PRKN: variants seen among roughly 807,000 people sequenced by gnomAD.
PRKN encodes E3 ubiquitin-protein ligase parkin.
Under a neutral mutation model 59.5 loss-of-function variants are expected in PRKN, and 56 were observed. That is an observed-to-expected ratio of 0.94 (90% CI 0.76 to 1.18). PRKN has a LOEUF of 1.18. PRKN is among the 50% of genes most tolerant of loss of function. The probability of loss-of-function intolerance (pLI) is 0.00; values close to 1 mark genes in which losing one functional copy is unlikely to be tolerated. For missense variants in PRKN, 657 were observed against 596.4 expected (o/e 1.10, Z -1.06); for synonymous variants, 250 against 222.1 (o/e 1.13, Z -1.12).
At chr6:162,217,222 TC>T (rs1330567288) in intron 3 of PRKN, among the ~76,000 whole-genome samples, 2 of 152,156 alleles carry the variant, frequency 1.3e-5, no homozygotes, top group Admixed American at 1.3e-4. Context: ...CCCCTCAGTC[TC>T]TCTCCTGATA....
At position 161,525,829 on chromosome 6, in the gene PRKN, C is replaced by T. The variant is rs1001976957; in HGVS notation, c.1083+23025G>A. On this transcript the variant is annotated intron_variant, in intron 9 of 11. Transcript: ENST00000366898. The surrounding 1 kb of genome is among the most constrained non-coding windows in gnomAD (Gnocchi z 4.7). ...TACTACTTGGCTATAGAATAGCCTA[C>T]AGATATAATAAAAAATAATTATTTA... Among the ~76,000 whole-genome samples, 13 of 152,024 alleles carry T rather than the reference C, an allele frequency of 8.6e-5. No homozygotes were observed. The highest frequency in any genetic ancestry group is 3.1e-4 in the African/African-American group (13 of 41,384).
intron 2 of PRKN, among the ~76,000 whole-genome samples, chr6:162,321,363 T>C (rs1158495387): frequency 6.6e-6 from 1 of 151,928 alleles, no homozygotes; most frequent in Non-Finnish European, 1.5e-5. Context: ...CTTATGTCTA[T>C]TGAAGAAACT....
At chr6:161,553,557 C>A (rs1448205074) in intron 8 of PRKN, among the ~76,000 whole-genome samples, 1 of 152,100 alleles carries the variant, frequency 6.6e-6, no homozygotes, top group Non-Finnish European at 1.5e-5. Flanking sequence ...GCTTAGCAGT[C>A]ATTAATATTC....
rs542840457 is a variant in PRKN at position 161,681,893 on chromosome 6, G to A, written c.871+103879C>T. On this transcript the variant is annotated intron_variant, in intron 7 of 11. Coordinates refer to ENST00000366898, the MANE Select transcript of PRKN (RefSeq NM_004562.3). ...ATAGAGCCCTTTGTACCTGTGCAGA[G>A]GACGTCTGCAATGCCAAGAGCAAAG... Among the ~76,000 whole-genome samples, 4 of 152,378 alleles carry A rather than the reference G, an allele frequency of 2.6e-5. No homozygotes were observed. The South Asian group carries it at 8.3e-4, about 32-fold the overall frequency.
intron 2 of PRKN, among the ~76,000 whole-genome samples, chr6:162,264,119 C>T (rs1583286329): frequency 6.6e-6 from 1 of 151,096 alleles, no homozygotes; most frequent in African/African-American, 2.4e-5. Context: ...ACTAAAAATA[C>T]AAAAAAAATT....
rs569752388 is a variant in PRKN at position 162,087,007 on chromosome 6, T to C, written c.535-32833A>G. 9.1e-4 allele frequency among the ~76,000 whole-genome samples: 138 copies of C among 152,260 alleles called. No individual in the cohort carries two copies. In the South Asian group the frequency reaches 0.027, roughly 29 times the overall value. ...GGAAATATGAACTTTAGAAAGCAAA[T>C]AATATGCCACAGAGGTTCCCAATTG... is the stretch of plus-strand genomic sequence containing the variant. On this transcript the variant is annotated intron_variant, in intron 4 of 11. Transcript: ENST00000366898.
chr6:162,640,354 C>T lies in PRKN; in HGVS notation c.7+87308G>A, dbSNP rs117137773. On this transcript the variant is annotated intron_variant, in intron 1 of 11. Transcript: ENST00000366898. The stretch of plus-strand genomic sequence containing the variant: ...AGAGCAAGATTCTTATTGAATCTTA[C>T]CCAAATAACTATATTGCCAAGTCAA... 1.5e-4 allele frequency among the ~76,000 whole-genome samples: 23 copies of T among 152,230 alleles called. No individual in the cohort carries two copies. The East Asian group carries it at 4.4e-3, about 29-fold the overall frequency.
chr6:162,561,848 A>AGGC (rs1286401294), intron 1 of PRKN, among the ~76,000 whole-genome samples: 1 of 152,098 alleles, frequency 6.6e-6, no homozygotes, highest in African/African-American at 2.4e-5. Flanking sequence ...TCAATGTGAA[A>AGGC]GGCAGTCTAG....
intron 9 of PRKN, among the ~76,000 whole-genome samples, chr6:161,477,390 GCCTA>G (rs1791148048): frequency 4.0e-5 from 6 of 151,800 alleles, no homozygotes. Context: ...GGTGGCACAT[GCCTA>G]TAATCCCAGC....
intron 1 of PRKN, among the ~76,000 whole-genome samples, chr6:162,600,932 T>G (rs1249680502): frequency 6.6e-6 from 1 of 152,134 alleles, no homozygotes; most frequent in Non-Finnish European, 1.5e-5. Context: ...AATTACCCAG[T>G]ATCAGACATT....
At chr6:162,086,815 G>GT (rs1177271266) in intron 4 of PRKN, among the ~76,000 whole-genome samples, 2 of 152,182 alleles carry the variant, frequency 1.3e-5, no homozygotes, top group Non-Finnish European at 2.9e-5. Context: ...TGGTTAGAAT[G>GT]TAAGTTCCTT....
chr6:162,210,132 T>TAAAATAAAATAAAATAAAATAAAATA (rs1282133436), intron 3 of PRKN, among the ~76,000 whole-genome samples: 1 of 151,940 alleles, frequency 6.6e-6, no homozygotes, highest in East Asian at 1.9e-4. Flanking sequence ...TAAAATAAAA[T>TAAAATAAAATAAAATAAAATAAAATA]AAAGAGGCAG....
At chr6:162,213,983 A>C (rs1777526104) in intron 3 of PRKN, among the ~76,000 whole-genome samples, 1 of 151,884 alleles carries the variant, frequency 6.6e-6, no homozygotes, top group Admixed American at 6.6e-5. Context: ...TCATACCCTT[A>C]GGAGGCCAGA....
At chr6:162,695,047 G>A (rs923115006) in intron 1 of PRKN, 1 of 152,288 alleles carries the variant, frequency 6.6e-6, no homozygotes, top group African/African-American at 2.4e-5. Context: ...CCTGTCATCT[G>A]CAGCACAAGT....
intron 1 of PRKN, among the ~76,000 whole-genome samples, chr6:162,556,362 T>TGTGTGTGTGTGTGC (rs57069451): frequency 0.02 from 1,752 of 86,282 alleles, 73 homozygotes; most frequent in African/African-American, 0.053. Flanking sequence ...TGTGTGTGTG[T>TGTGTGTGTGTGTGC]GTGTGTGTGT....
rs1554238193 is a variant in PRKN, at chr6:161,875,122, G to GTATATATTATATATAATA, written c.735-89232_735-89215dup. On this transcript the variant is annotated intron_variant, in intron 6 of 11. Transcript: ENST00000366898. ...ATAAAGTATATATATTATATATAAA[G>GTATATATTATATATAATA]TATATATTATATATAATATATATAA... 1.5e-4 allele frequency among the ~76,000 whole-genome samples: 18 copies of GTATATATTATATATAATA among 122,364 alleles called. 1 individual carries two copies. The highest frequency in any genetic ancestry group is 6.6e-4 in the African/African-American group (18 of 27,300). 80.3% of individuals were successfully genotyped at this position (122,364 alleles called of 152,430 possible).
chr6:162,458,072 G>A (rs1383248635), intron 1 of PRKN, among the ~76,000 whole-genome samples: 1 of 151,406 alleles, frequency 6.6e-6, no homozygotes, highest in Admixed American at 6.6e-5. Context: ...TGGCCAACAC[G>A]GTTAAACCCA....
intron 1 of PRKN, among the ~76,000 whole-genome samples, chr6:162,667,998 AAG>A (rs1347082915): frequency 6.6e-6 from 1 of 152,148 alleles, no homozygotes; most frequent in Admixed American, 6.5e-5. Flanking sequence ...ACTCATAGAC[AAG>A]AGAGGAAAAA....
chr6:161,725,461 G>C (rs868414019), intron 7 of PRKN, among the ~76,000 whole-genome samples: 1 of 152,146 alleles, frequency 6.6e-6, no homozygotes, highest in South Asian at 2.1e-4. Context: ...ATTCCAGAAG[G>C]GTTCATGGAT....
Sources: allele counts gnomAD v4.1 joint callset (sites outside exome capture counted in the v4.1 genomes callset), GRCh38; gene constraint gnomAD v4.1.1; non-coding constraint Gnocchi (gnomAD v3.1); transcripts MANE v1.5; gene names NCBI Gene and HGNC (gene_info 2026-07-23, HGNC 2026-07-21).